SBF2: variants seen among roughly 807,000 people sequenced by gnomAD.
The protein encoded by SBF2 is SET binding factor 2.
SBF2 carries 112 observed loss-of-function variants against 225.2 expected under a neutral mutation model. The ratio of observed to expected loss-of-function variants is 0.50; its 90% CI spans 0.43 to 0.58. SBF2 has a LOEUF of 0.58. Among genes scored for constraint, SBF2 ranks in the 20% least tolerant of loss-of-function variants. The probability of loss-of-function intolerance (pLI) is 0.00; values close to 1 mark genes in which losing one functional copy is unlikely to be tolerated. For synonymous variants in SBF2, 763 were observed against 773.3 expected, an observed-to-expected ratio of 0.99 and a Z score of 0.22; for missense variants, 1,996 against 2,206.2, an observed-to-expected ratio of 0.90 and a Z score of 1.91.
At chr11:10,159,477 G>T (rs1389366502) in intron 2 of SBF2, among the ~76,000 whole-genome samples, 1 of 152,162 alleles carries the variant, frequency 6.6e-6, no homozygotes, top group Non-Finnish European at 1.5e-5. Context: ...CAATAAACTG[G>T]CTCATCTGAT....
chr11:9,858,566 T>C (rs1857487276), intron 17 of SBF2, among the ~76,000 whole-genome samples, 170 bp from the exon 18 acceptor site: 1 of 152,216 alleles, frequency 6.6e-6, no homozygotes, highest in African/African-American at 2.4e-5. Context: ...AACTGGCAAC[T>C]GTGGGCTTGC....
At chr11:10,049,247 T>C (rs974514237) in intron 2 of SBF2, among the ~76,000 whole-genome samples, 1 of 152,156 alleles carries the variant, frequency 6.6e-6, no homozygotes, top group Non-Finnish European at 1.5e-5. Context: ...CATAAAAACA[T>C]GGTATTTTTG....
At chr11:9,799,528 A>T (rs1215376895) in intron 32 of SBF2, among the ~76,000 whole-genome samples, 1 of 152,266 alleles carries the variant, frequency 6.6e-6, no homozygotes, top group Non-Finnish European at 1.5e-5. Flanking sequence ...TTTACTCTTC[A>T]GCAATAAAGT....
Position 10,159,389 on chromosome 11 carries a change from C to T in SBF2, c.141+34513G>A, listed in dbSNP as rs188125038. On this transcript the variant is annotated intron_variant, in intron 2 of 39. Transcript: ENST00000256190. Reference sequence around the variant, plus strand: ...TGGAAGCTACAAGATTCTGACCCTCCCTGAATTGCTCCTAAGATCAGAGTT... The same window carrying T: ...TGGAAGCTACAAGATTCTGACCCTCTCTGAATTGCTCCTAAGATCAGAGTT... Among the ~76,000 whole-genome samples the T allele has an allele frequency of 3.6e-3, 552 of 152,306 alleles. 2 individuals are homozygous for T. Among genetic ancestry groups the T allele is most frequent in the Non-Finnish European group, 4.8e-3 (325 of 68,018 alleles).
chr11:10,171,240 GT>G (rs1213151418), intron 2 of SBF2, among the ~76,000 whole-genome samples: 6 of 152,050 alleles, frequency 3.9e-5, no homozygotes, highest in African/African-American at 1.2e-4. Flanking sequence ...AAGGCTTTCA[GT>G]TTTCCCCCCA....
intron 2 of SBF2, among the ~76,000 whole-genome samples, chr11:10,171,569 T>C (rs1284742758): frequency 1.3e-5 from 2 of 152,234 alleles, no homozygotes; most frequent in East Asian, 1.9e-4. Context: ...TTTGCATCAA[T>C]GTTCATCAGG....
chr11:9,798,946 C>T lies in SBF2; in HGVS notation c.4444-2989G>A, dbSNP rs567021228. Among the ~76,000 whole-genome samples the T allele has an allele frequency of 1.7e-4, 16 of 93,510 alleles. No individual in the cohort carries two copies. The East Asian group carries it at 2.9e-3, about 17-fold the overall frequency. 61.3% of individuals were successfully genotyped at this position (93,510 alleles called of 152,430 possible). A position where few individuals can be genotyped will look rare whatever the true frequency, so the allele number is the denominator to read the frequency against. On this transcript the variant is annotated intron_variant, in intron 32 of 39. Coordinates refer to ENST00000256190, the MANE Select transcript of SBF2 (RefSeq NM_030962.4). ...CAGCCTGGGCAACAGAGCAAGACTC[C>T]GTCTCAAAAAAAAAAAAAACCAAAA...
intron 16 of SBF2, among the ~76,000 whole-genome samples, chr11:9,922,963 T>C (rs892490878): frequency 3.3e-5 from 5 of 152,158 alleles, no homozygotes; most frequent in Admixed American, 6.6e-5. Context: ...CTAGGAAACT[T>C]TCTCCTACCT....
At chr11:9,855,147 G>C (rs879744782) in intron 19 of SBF2, among the ~76,000 whole-genome samples, 1 of 152,162 alleles carries the variant, frequency 6.6e-6, no homozygotes, top group Non-Finnish European at 1.5e-5. Context: ...GTTATAATTA[G>C]GGCTTGAAGT....
chr11:9,977,492 G>GAA lies in SBF2; in HGVS notation c.1396-8949_1396-8948dup, dbSNP rs200092202. 6.0e-3 allele frequency among the ~76,000 whole-genome samples: 723 copies of GAA among 120,894 alleles called. 4 individuals are homozygous for GAA. Among genetic ancestry groups the GAA allele is most frequent in the African/African-American group, 0.019 (597 of 31,524 alleles). 79.3% of individuals were successfully genotyped at this position (120,894 alleles called of 152,430 possible). ...ACAGGGCATGACCCTGTCTCTTTAA[G>GAA]AAAAAAAAAAAAAAAGAATCATAGG... On this transcript the variant is annotated intron_variant, in intron 13 of 39. Transcript: ENST00000256190.
intron 32 of SBF2, among the ~76,000 whole-genome samples, chr11:9,803,464 C>T (rs762699859): frequency 2.6e-4 from 40 of 152,090 alleles, no homozygotes; most frequent in Non-Finnish European, 5.1e-4. Flanking sequence ...TAGACCTCTC[C>T]CACTCCTCCC....
At chr11:9,863,983 T>C (rs1181219254) in intron 17 of SBF2, among the ~76,000 whole-genome samples, 1 of 152,244 alleles carries the variant, frequency 6.6e-6, no homozygotes, top group African/African-American at 2.4e-5. Context: ...ATATTTCATC[T>C]ATTTATGTGA....
intron 16 of SBF2, among the ~76,000 whole-genome samples, chr11:9,902,740 A>T (rs759686022): frequency 2.0e-5 from 3 of 152,228 alleles, no homozygotes; most frequent in Non-Finnish European, 2.9e-5. Context: ...TAAAACAATG[A>T]CAATACTGTC....
intron 2 of SBF2, among the ~76,000 whole-genome samples, chr11:10,142,249 A>G (rs1954682934): frequency 6.6e-6 from 1 of 152,180 alleles, no homozygotes; most frequent in Non-Finnish European, 1.5e-5. Context: ...TGTCATTTAG[A>G]GGTAAATTAA....
At chr11:9,805,725 C>T (rs754487981) in intron 32 of SBF2, among the ~76,000 whole-genome samples, 9 of 152,142 alleles carry the variant, frequency 5.9e-5, no homozygotes, top group African/African-American at 9.7e-5. Context: ...CGGGTTCAAG[C>T]GATTCTCCTG....
intron 2 of SBF2, among the ~76,000 whole-genome samples, chr11:10,141,034 A>G (rs1954617002): frequency 6.6e-6 from 1 of 152,234 alleles, no homozygotes; most frequent in African/African-American, 2.4e-5. Flanking sequence ...AAAGACAGGT[A>G]AATGAAAATG....
At chr11:9,859,229 A>G (rs1465843900) in intron 17 of SBF2, among the ~76,000 whole-genome samples, 1 of 152,226 alleles carries the variant, frequency 6.6e-6, no homozygotes, top group African/African-American at 2.4e-5. Context: ...CTGAAAGTAA[A>G]TCAAAATAAA....
At chr11:10,099,969 T>A (rs991870412) in intron 2 of SBF2, among the ~76,000 whole-genome samples, 3 of 152,074 alleles carry the variant, frequency 2.0e-5, no homozygotes, top group African/African-American at 4.8e-5. Flanking sequence ...AAAAAAATTT[T>A]AAAAAATGGC....
chr11:10,241,678 C>T (rs12279861), intron 1 of SBF2, among the ~76,000 whole-genome samples: 74,594 of 151,710 alleles, frequency 0.49, 18,693 homozygotes, highest in Non-Finnish European at 0.54. Context: ...CTAGATGAAA[C>T]GGACAAATTC....
Sources: allele counts gnomAD v4.1 joint callset (sites outside exome capture counted in the v4.1 genomes callset), GRCh38; gene constraint gnomAD v4.1.1; transcripts MANE v1.5; gene names NCBI Gene and HGNC (gene_info 2026-07-23, HGNC 2026-07-21).